CFAP210: variants seen among roughly 807,000 people sequenced by gnomAD.
CFAP210 encodes the protein cilia and flagella associated protein 210, also known as cilia- and flagella- associated protein 210.
the CFAP210 span, chr2:169,694,297 A>G: frequency 1.2e-6 from 2 of 1,614,000 alleles, no homozygotes; most frequent in African/African-American, 2.7e-5. Flanking sequence ...CGCCGTCCAA[A>G]CCGTACCAGC....
chr2:169,690,117 T>C, the CFAP210 span, among the ~76,000 whole-genome samples: 2 of 152,180 alleles, frequency 1.3e-5, no homozygotes, highest in African/African-American at 2.4e-5. Context: ...CAAGTGGTCC[T>C]CCCACTTCAG....
the CFAP210 span, among the ~76,000 whole-genome samples, chr2:169,654,529 A>G: frequency 5.3e-5 from 8 of 152,286 alleles, no homozygotes; most frequent in Admixed American, 3.9e-4. Context: ...AATATAATCA[A>G]TAAGTAGGTG....
At chr2:169,679,132 C>T in the CFAP210 span, among the ~76,000 whole-genome samples, 1 of 152,006 alleles carries the variant, frequency 6.6e-6, no homozygotes, top group Non-Finnish European at 1.5e-5. Flanking sequence ...GATCTTCATA[C>T]ACAAAAACAA....
the CFAP210 span, chr2:169,681,096 C>T: frequency 1.2e-6 from 2 of 1,613,900 alleles, no homozygotes; most frequent in Non-Finnish European, 1.7e-6. Flanking sequence ...AGGCATGCTG[C>T]TTCTCTTGTC....
chr2:169,677,299 C>T, the CFAP210 span, among the ~76,000 whole-genome samples: 5 of 152,118 alleles, frequency 3.3e-5, no homozygotes, highest in Non-Finnish European at 7.4e-5. Context: ...CCCTCATGAA[C>T]ACAGATACAA....
the CFAP210 span, chr2:169,654,200 A>G: frequency 5.7e-6 from 9 of 1,583,762 alleles, no homozygotes; most frequent in South Asian, 8.0e-5. Context: ...TAATATGTTT[A>G]TCCTGCATAT....
At chr2:169,662,349 A>C in the CFAP210 span, 2 of 1,606,072 alleles carry the variant, frequency 1.2e-6, no homozygotes, top group Non-Finnish European at 1.7e-6. Context: ...TTTCAATTTC[A>C]TATAATGCAT....
chr2:169,686,935 T>C, the CFAP210 span, among the ~76,000 whole-genome samples: 2 of 152,156 alleles, frequency 1.3e-5, no homozygotes, highest in Non-Finnish European at 2.9e-5. Context: ...TAGTTGGACT[T>C]ACAGTTCCAC....
the CFAP210 span, chr2:169,681,292 G>A: frequency 7.3e-5 from 91 of 1,253,324 alleles, no homozygotes; most frequent in South Asian, 9.2e-4. Flanking sequence ...AGTGATATTC[G>A]TCTGAGAAGT....
chr2:169,673,099 C>T, the CFAP210 span, among the ~76,000 whole-genome samples: 11 of 152,286 alleles, frequency 7.2e-5, no homozygotes, highest in Middle Eastern at 3.4e-3. Context: ...TTTATGCTGA[C>T]GTCAGAGCTT....
At chr2:169,672,705 C>G in the CFAP210 span, among the ~76,000 whole-genome samples, 2 of 152,198 alleles carry the variant, frequency 1.3e-5, no homozygotes, top group Admixed American at 1.3e-4. Context: ...CTGCTTTGTT[C>G]TAGCTGTGCC....
At chr2:169,686,140 C>T in the CFAP210 span, among the ~76,000 whole-genome samples, 1 of 152,190 alleles carries the variant, frequency 6.6e-6, no homozygotes, top group Non-Finnish European at 1.5e-5. Context: ...TGGCCACAAC[C>T]ACCTGAGTAG....
At chr2:169,683,946 T>C in the CFAP210 span, among the ~76,000 whole-genome samples, 1 of 152,198 alleles carries the variant, frequency 6.6e-6, no homozygotes, top group Non-Finnish European at 1.5e-5. Context: ...GTTCCCCATA[T>C]CTTTGGAGAT....
At chr2:169,654,050 T>G in the CFAP210 span, 1 of 1,586,472 alleles carries the variant, frequency 6.3e-7, no homozygotes, top group Non-Finnish European at 8.6e-7. Context: ...GATAGTACTT[T>G]ATTATACACA....
At chr2:169,674,551 A>G in the CFAP210 span, 1 of 1,528,342 alleles carries the variant, frequency 6.5e-7, no homozygotes, top group Non-Finnish European at 8.7e-7. Context: ...AGAAAGGTAC[A>G]AAAAGGTATT....
At chr2:169,653,582 A>G in the CFAP210 span, among the ~76,000 whole-genome samples, 1 of 133,634 alleles carries the variant, frequency 7.5e-6, no homozygotes, top group Non-Finnish European at 1.7e-5. Context: ...AAATCTGATG[A>G]ATACTTCATT....
chr2:169,688,554 G>A, the CFAP210 span, among the ~76,000 whole-genome samples: 1 of 152,148 alleles, frequency 6.6e-6, no homozygotes, highest in African/African-American at 2.4e-5. Context: ...CTTCTGCGAG[G>A]TACCCTAAAT....
the CFAP210 span, among the ~76,000 whole-genome samples, chr2:169,679,403 G>A: frequency 6.6e-6 from 1 of 151,466 alleles, no homozygotes; most frequent in Admixed American, 6.6e-5. Context: ...GTGTCGGCTG[G>A]GCGCAGTGGC....
the CFAP210 span, among the ~76,000 whole-genome samples, chr2:169,676,520 A>C: frequency 6.6e-6 from 1 of 150,744 alleles, no homozygotes. Context: ...CCATCCTCCC[A>C]AAAAATCCCA....
Sources: allele counts gnomAD v4.1 joint callset (sites outside exome capture counted in the v4.1 genomes callset), GRCh38; gene constraint gnomAD v4.1.1; transcripts MANE v1.5; gene names NCBI Gene and HGNC (gene_info 2026-07-23, HGNC 2026-07-21).